The following ENPP2 variants were observed in gnomAD, a reference collection of about 807,000 sequenced individuals.
The protein encoded by ENPP2 is autotaxin.
In ENPP2, 51 loss-of-function variants were observed where a neutral mutation model predicts 120.2. That is an observed-to-expected ratio of 0.42 (90% CI 0.34 to 0.54). The LOEUF (loss-of-function observed/expected upper bound fraction) is 0.54. Among genes scored for constraint, ENPP2 ranks in the 20% least tolerant of loss-of-function variants. The pLI is 0.04. For missense variants in ENPP2, 920 were observed against 1,066.5 expected (o/e 0.86, Z 1.91); for synonymous variants, 365 against 366.4 (o/e 1.00, Z 0.04).
chr8:119,617,217 T>C lies in ENPP2; in HGVS notation c.604A>G (p.Met202Val), dbSNP rs770227396. The C allele has an allele frequency of 1.2e-6, 2 of 1,613,570 alleles. No homozygotes were observed. The highest frequency in any genetic ancestry group is 1.7e-6 in the Non-Finnish European group (2 of 1,179,604). The part of the protein sequence containing the change: ...LRSCGTHSPY[M>V]RPVYPTKTFP... ...GTTTTAGTTGGGTACACCGGCCTCA[T>C]GTAGGGAGAGTGTGTGCCACAAGAC... The change falls in exon 7 of 25, where the codon ATG (methionine) becomes GTG (valine). Residue 202 changes from methionine (M) to valine (V), a missense_variant. Physicochemically the swap from Met to Val is conservative, Grantham distance 21 (BLOSUM62 1). Transcript: ENST00000075322.
chr8:119,667,141 T>C (rs1380119305), intron 1 of ENPP2, among the ~76,000 whole-genome samples: 1 of 152,166 alleles, frequency 6.6e-6, no homozygotes, highest in Non-Finnish European at 1.5e-5. Flanking sequence ...CCAGGACATA[T>C]GGCCACCCAA....
intron 22 of ENPP2, among the ~76,000 whole-genome samples, chr8:119,566,385 C>T (rs1371767462): frequency 6.6e-6 from 1 of 152,216 alleles, no homozygotes; most frequent in African/African-American, 2.4e-5. Flanking sequence ...TATTAAAAAG[C>T]ACCTGGCCAT....
intron 19 of ENPP2, among the ~76,000 whole-genome samples, chr8:119,576,169 A>G (rs1027457813): frequency 2.6e-5 from 4 of 152,030 alleles, no homozygotes; most frequent in African/African-American, 9.7e-5. Flanking sequence ...ACAGAGTTTC[A>G]CTCTTGTTGC....
intron 1 of ENPP2, among the ~76,000 whole-genome samples, chr8:119,646,333 C>A (rs1202095407): frequency 6.6e-6 from 1 of 152,110 alleles, no homozygotes; most frequent in East Asian, 1.9e-4. Context: ...AAAGTATGGT[C>A]CCTGGATGAG....
rs532252660 is a variant in ENPP2, at chr8:119,575,057, C to T, written c.1781-4216G>A. On this transcript the variant is annotated intron_variant, in intron 19 of 24. Transcript: ENST00000075322. Reference sequence around the variant, plus strand: ...AACAATGCCCATCACATAATATCTACTTGGCAAACACTTGTTGGTAAGTTA... The same window carrying T: ...AACAATGCCCATCACATAATATCTATTTGGCAAACACTTGTTGGTAAGTTA... Among the ~76,000 whole-genome samples the T allele has an allele frequency of 1.7e-3, 262 of 152,334 alleles. 1 individual carries two copies. Among genetic ancestry groups the T allele is most frequent in the Non-Finnish European group, 3.3e-3 (223 of 68,030 alleles).
chr8:119,638,379 G>A (rs773992953), intron 2 of ENPP2, 46 bp downstream of exon 2: 2 of 911,256 alleles, frequency 2.2e-6, no homozygotes, highest in Non-Finnish European at 1.8e-6. Context: ...TACCCCGTAT[G>A]TAATATTTTT....
chr8:119,616,232 A>G, intron 8 of ENPP2, 33 bp downstream of exon 8: 1 of 1,571,862 alleles, frequency 6.4e-7, no homozygotes, highest in Non-Finnish European at 8.7e-7. Flanking sequence ...TGAACACACA[A>G]ACACATAGAC....
Position 119,583,948 on chromosome 8 carries a change from T to C in ENPP2, c.1455+14A>G. ...ACTAAAACACAATTTCAATTCACAG[T>C]TCTGCCATCATACCTGCATGCTGTT... On this transcript the variant is annotated intron_variant, in intron 16 of 24. Transcript: ENST00000075322. The C allele has an allele frequency of 6.3e-7, 1 of 1,599,932 alleles. No homozygotes were observed. The highest frequency in any genetic ancestry group is 8.6e-7 in the Non-Finnish European group (1 of 1,167,230).
At chr8:119,661,697 C>T (rs903398634) in intron 1 of ENPP2, among the ~76,000 whole-genome samples, 1 of 152,074 alleles carries the variant, frequency 6.6e-6, no homozygotes, top group South Asian at 2.1e-4. Context: ...GAAATCAGCA[C>T]GTTGAAGAGA....
chr8:119,561,829 G>C (rs28430495), intron 24 of ENPP2, among the ~76,000 whole-genome samples: 3 of 151,870 alleles, frequency 2.0e-5, no homozygotes, highest in Non-Finnish European at 4.4e-5. Context: ...GTGTGTGTGT[G>C]TATGTGTGTG....
At chr8:119,642,419 T>A (rs1025770742), upstream of ENPP2, among the ~76,000 whole-genome samples, 3 of 152,220 alleles carry the variant, frequency 2.0e-5, no homozygotes, top group Non-Finnish European at 4.4e-5. Flanking sequence ...TTAGTTTTTT[T>A]AATATGCTAA....
At chr8:119,637,431 T>C (rs568730697) in intron 2 of ENPP2, among the ~76,000 whole-genome samples, 4 of 152,294 alleles carry the variant, frequency 2.6e-5, no homozygotes, top group Admixed American at 6.5e-5. Flanking sequence ...ACTTAATTGA[T>C]GTAAGGAAGA....
intron 7 of ENPP2, 86 bp from the exon 8 acceptor site, chr8:119,616,470 A>G (rs1261308368): frequency 2.0e-6 from 2 of 995,966 alleles, no homozygotes; most frequent in African/African-American, 3.2e-5. Context: ...TTAGCATAGA[A>G]GGTTTTATAG....
intron 14 of ENPP2, 43 bp downstream of exon 14, chr8:119,587,001 G>A (rs1159193194): frequency 3.0e-5 from 47 of 1,590,860 alleles, no homozygotes; most frequent in Non-Finnish European, 3.9e-5. Flanking sequence ...TCCAGGGGCA[G>A]AGGCCTGGGC....
intron 8 of ENPP2, among the ~76,000 whole-genome samples, chr8:119,613,631 TGA>T (rs1450803815): frequency 6.6e-6 from 1 of 152,196 alleles, no homozygotes; most frequent in Non-Finnish European, 1.5e-5. Flanking sequence ...ACGAAGCCTC[TGA>T]GAGGATGGTA....
At chr8:119,648,587 C>T (rs950653308) in intron 1 of ENPP2, among the ~76,000 whole-genome samples, 4 of 152,264 alleles carry the variant, frequency 2.6e-5, no homozygotes, top group South Asian at 2.1e-4. Context: ...TTACACTTGC[C>T]GCTGCAAAGG....
chr8:119,649,261 G>T (rs1456136700), intron 1 of ENPP2, among the ~76,000 whole-genome samples: 6 of 151,476 alleles, frequency 4.0e-5, no homozygotes, highest in Non-Finnish European at 7.4e-5. Flanking sequence ...AAATAGCCGG[G>T]TGTGGTCGTG....
chr8:119,575,001 T>A (rs1211960014), intron 19 of ENPP2, among the ~76,000 whole-genome samples: 1 of 152,250 alleles, frequency 6.6e-6, no homozygotes, highest in African/African-American at 2.4e-5. Flanking sequence ...GGACTTCATC[T>A]GTTTTACTCA....
intron 13 of ENPP2, among the ~76,000 whole-genome samples, chr8:119,588,131 T>C (rs535821304): frequency 9.2e-5 from 14 of 152,310 alleles, no homozygotes; most frequent in Middle Eastern, 6.8e-3. Context: ...GAAACTAAAA[T>C]GTGTATTCCA....
Sources: gnomAD v4.1 joint callset for allele counts (sites outside exome capture counted in the v4.1 genomes callset) on GRCh38, gnomAD v4.1.1 for gene constraint, MANE v1.5 for transcripts, NCBI Gene and HGNC (gene_info 2026-07-23, HGNC 2026-07-21) for gene names.